Variants in ZNF160 observed in about 807,000 individuals in gnomAD.
The protein encoded by ZNF160 is KRAB zinc finger protein KR18.
Under a neutral mutation model 13.1 loss-of-function variants are expected in ZNF160, and 9 were observed. That is an observed-to-expected ratio of 0.69 (90% CI 0.41 to 1.20). The LOEUF is 1.20. Ranked by LOEUF, ZNF160 falls within the 50% of genes most tolerant of loss-of-function variation. ZNF160 has a pLI of 0.01. For missense variants in ZNF160, 838 were observed against 988.0 expected (o/e 0.85, Z 2.04); for synonymous variants, 293 against 333.2 (o/e 0.88, Z 1.31).
intron 3 of ZNF160, among the ~76,000 whole-genome samples, chr19:53,083,336 A>G (rs555502482): frequency 3.9e-5 from 6 of 152,180 alleles, no homozygotes; most frequent in Non-Finnish European, 8.8e-5. Flanking sequence ...GGAGGCTGCC[A>G]GCTATCAGTC....
chr19:53,098,247 A>G (rs543103988), intron 1 of ZNF160, among the ~76,000 whole-genome samples: 1 of 152,294 alleles, frequency 6.6e-6, no homozygotes, highest in African/African-American at 2.4e-5. Context: ...AGGTGCATGC[A>G]GCATTCATCC....
At chr19:53,090,276 G>T (rs141267510) in intron 2 of ZNF160, among the ~76,000 whole-genome samples, 295 of 151,454 alleles carry the variant, frequency 1.9e-3, no homozygotes, top group African/African-American at 6.9e-3. Context: ...TCCCTATCTT[G>T]CTGTCCTTCA....
intron 1 of ZNF160, among the ~76,000 whole-genome samples, chr19:53,094,115 A>G (rs543836205): frequency 4.6e-5 from 7 of 152,186 alleles, no homozygotes; most frequent in Non-Finnish European, 1.0e-4. Flanking sequence ...AAATACTCCA[A>G]AATACCAAAG....
At chr19:53,072,796 A>G (rs1011407770) in intron 5 of ZNF160, 2 of 284,462 alleles carry the variant, frequency 7.0e-6, no homozygotes, top group Non-Finnish European at 1.1e-5. Context: ...AGTTGCGGTG[A>G]GCCGAGATCG....
intron 5 of ZNF160, chr19:53,073,146 G>A: frequency 7.3e-7 from 1 of 1,365,402 alleles, no homozygotes; most frequent in Non-Finnish European, 9.5e-7. Flanking sequence ...TCCCCAACCT[G>A]TGGTAACCCA....
intron 1 of ZNF160, among the ~76,000 whole-genome samples, chr19:53,095,925 A>G (rs1243744259): frequency 6.6e-6 from 1 of 152,202 alleles, no homozygotes; most frequent in Non-Finnish European, 1.5e-5. Context: ...AATTAAAAGG[A>G]AATGATATAT....
At chr19:53,074,919 A>G (rs1179071672) in intron 4 of ZNF160, 138 bp downstream of exon 4, 13 of 1,151,170 alleles carry the variant, frequency 1.1e-5, no homozygotes, top group Non-Finnish European at 1.6e-5. Flanking sequence ...CAGGTTTCCC[A>G]TGATTAAGCT....
chr19:53,071,531 C>T (rs537253211), intron 5 of ZNF160, among the ~76,000 whole-genome samples: 4 of 132,232 alleles, frequency 3.0e-5, no homozygotes, highest in South Asian at 2.4e-4. Flanking sequence ...AGCAAAACTC[C>T]GTCTCATCAA....
rs373271966 is a variant in ZNF160, at chr19:53,075,452, G to A, written c.16-269C>T. 71 of 392,430 alleles carry A rather than the reference G, an allele frequency of 1.8e-4. No homozygotes were observed. In the Middle Eastern group the frequency reaches 2.5e-3, roughly 14 times the overall value. 24.3% of individuals were successfully genotyped at this position (392,430 alleles called of 1,614,324 possible). ...GCACCTAGGTAGCTTCAGGATGGAG[G>A]GCGGTCACCGGAACTAAGGCTCGGT... On this transcript the variant is annotated intron_variant, in intron 3 of 5. Coordinates refer to ENST00000683776, the MANE Select transcript of ZNF160 (RefSeq NM_001322131.2).
In ZNF160 at chr19:53,070,126, T is replaced by A; in HGVS notation, c.408A>T (p.Lys136Asn). 6.2e-7 allele frequency: 1 copy of A among 1,614,180 alleles called. No homozygotes were observed. Among genetic ancestry groups the A allele is most frequent in the South Asian group, 1.1e-5 (1 of 91,084 alleles). Residue 136 changes from lysine (K) to asparagine (N), a missense_variant, in exon 6 of 6, where the codon AAA (lysine) becomes AAT (asparagine). Transcript: ENST00000683776. ...ATTGACACTCAAAATCATGCACATT[T>A]TTCTGGGGTTCCTTGAAGGAAAAGT... ...IEDFSFKEPQ[K>N]NVHDFECQWR...
At chr19:53,071,539 CAAAA>C (rs56799856) in intron 5 of ZNF160, among the ~76,000 whole-genome samples, 14 of 58,776 alleles carry the variant, frequency 2.4e-4, no homozygotes, top group Admixed American at 7.7e-4. Flanking sequence ...TCCGTCTCAT[CAAAA>C]AAAAAAAAAA....
In ZNF160 at chr19:53,086,181, G is replaced by A. The variant is rs371670038; in HGVS notation, c.15+81C>T. On this transcript the variant is annotated intron_variant, in intron 3 of 5. Transcript: ENST00000683776. ...CAAACATGTCAGGCAGGACGCTTCAGACTCAGAGAAGATTCGCAATGCCAA... is the reference window on the plus strand; with the variant it reads ...CAAACATGTCAGGCAGGACGCTTCAAACTCAGAGAAGATTCGCAATGCCAA... 5.4e-5 allele frequency: 80 copies of A among 1,477,260 alleles called. No individual in the cohort carries two copies. In the African/African-American group the frequency reaches 9.7e-4, roughly 18 times the overall value. The allele number at this position is 1,477,260 out of a possible 1,614,324, so 91.5% of individuals were successfully genotyped here.
chr19:53,072,237 G>A (rs2084207047), intron 5 of ZNF160, among the ~76,000 whole-genome samples: 1 of 152,026 alleles, frequency 6.6e-6, no homozygotes, highest in Admixed American at 6.6e-5. Flanking sequence ...GAATAGCTGG[G>A]ACTGCAGGCA....
chr19:53,086,448 G>A, intron 2 of ZNF160, 127 bp from the exon 3 acceptor site: 4 of 727,912 alleles, frequency 5.5e-6, no homozygotes, highest in Non-Finnish European at 8.1e-6. Context: ...CCTGTGGAAA[G>A]ATGGTCCTCT....
intron 3 of ZNF160, chr19:53,076,835 A>G (rs981494038): frequency 6.6e-6 from 1 of 152,226 alleles, no homozygotes; most frequent in Non-Finnish European, 1.5e-5. Flanking sequence ...GCCATGATGT[A>G]GTATCACTGT....
Position 53,068,589 on chromosome 19 carries a change from A to G in ZNF160, c.1945T>C (p.Tyr649His), listed in dbSNP as rs1193817964. ...GCTTTCCCACACTCATTACACTTGT[A>G]AGGTTTCTCTCCAGTATGAATTCGC... ...HRRIHTGEKP[Y>H]KCNECGKAFS... Residue 649 changes from tyrosine (Y) to histidine (H), a missense_variant, in exon 6 of 6, where the codon TAC (tyrosine) becomes CAC (histidine). Transcript: ENST00000683776. 6.2e-7 allele frequency: 1 copy of G among 1,614,034 alleles called. No individual in the cohort carries two copies.
At position 53,068,043 on chromosome 19, in the gene ZNF160, A is replaced by G. The variant is rs756801036; in HGVS notation, c.*34T>C. ...TCAAGAATGAAATTAACTGATGTGA[A>G]AGGAGTGAATTGTACCTAATGACCT... On this transcript the variant is annotated 3_prime_UTR_variant, in exon 6 of 6. Transcript: ENST00000683776. The G allele has an allele frequency of 6.5e-6, 10 of 1,547,714 alleles. No homozygotes were observed. The highest frequency in any genetic ancestry group is 8.7e-6 in the Non-Finnish European group (10 of 1,147,442).
At position 53,068,326 on chromosome 19, in the gene ZNF160, A is replaced by C. The variant is rs754283379; in HGVS notation, c.2208T>G (p.Asn736Lys). ...TTTGAGTAAAGACCTTGCCACATTC[A>C]TTACATTTGTAAGGTTTTTTCCCAG... The part of the protein sequence containing the change: ...IHTGKKPYKC[N>K]ECGKVFTQNA... The change falls in exon 6 of 6, where the codon AAT becomes AAG. Residue 736 changes from asparagine (N) to lysine (K), a missense_variant. Physicochemically the swap from Asn to Lys is moderately conservative, Grantham distance 94 (BLOSUM62 0). This residue lies in a region of ZNF160 where 400 missense variants were observed against 538.9 expected (regional missense o/e 0.74). Coordinates refer to ENST00000683776, the MANE Select transcript of ZNF160 (RefSeq NM_001322131.2). The C allele has an allele frequency of 8.7e-6, 14 of 1,614,108 alleles. No homozygotes were observed. The South Asian group carries it at 1.5e-4, about 18-fold the overall frequency.
intron 5 of ZNF160, among the ~76,000 whole-genome samples, chr19:53,070,619 T>G (rs1282942961): frequency 6.6e-6 from 1 of 152,084 alleles, no homozygotes; most frequent in Non-Finnish European, 1.5e-5. Flanking sequence ...TTTCACCATG[T>G]TAGCCAGGAT....
Sources: gnomAD v4.1 joint callset for allele counts (sites outside exome capture counted in the v4.1 genomes callset) on GRCh38, gnomAD v4.1.1 for gene constraint, gnomAD v4.1.1 regional missense constraint, MANE v1.5 for transcripts, NCBI Gene and HGNC (gene_info 2026-07-23, HGNC 2026-07-21) for gene names.